VAX1: variants seen among roughly 807,000 people sequenced by gnomAD.
The protein encoded by VAX1 is ventral anterior homeobox 1.
Under a neutral mutation model 17.6 loss-of-function variants are expected in VAX1, and 6 were observed. The observed-to-expected ratio is 0.34, with a 90% CI of 0.19 to 0.67. The LOEUF (loss-of-function observed/expected upper bound fraction) is 0.67. VAX1 is among the 30% of genes least tolerant of loss of function. The pLI, the probability that VAX1 is intolerant of heterozygous loss-of-function variation, is 0.69. For synonymous variants in VAX1, 256 were observed against 227.4 expected (o/e 1.13, Z -1.13); for missense variants, 408 against 463.7 (o/e 0.88, Z 1.10).
chr10:117,134,631 C>A lies in VAX1; in HGVS notation c.430-48G>T. 3 of 1,454,602 alleles carry A rather than the reference C, an allele frequency of 2.1e-6. No individual in the cohort carries two copies. The highest frequency in any genetic ancestry group is 2.7e-6 in the Non-Finnish European group (3 of 1,102,594). The allele number at this position is 1,454,602 out of a possible 1,614,324, so 90.1% of individuals were successfully genotyped here. ...AGTTGGAGAGAGGGGCAGGGAAGAC[C>A]AGCGTCAAAGGAAGCGAGCTCCCGG... On this transcript the variant is annotated intron_variant, in intron 2 of 2. Transcript: ENST00000369206. The surrounding 1 kb of genome is among the most constrained non-coding windows in gnomAD (Gnocchi z 6.2).
At chr10:117,132,255 T>G (rs369011912), downstream of VAX1, 126 of 1,614,042 alleles carry the variant, frequency 7.8e-5, no homozygotes, top group Non-Finnish European at 1.0e-4. The surrounding 1 kb of genome is among the most constrained non-coding windows in gnomAD (Gnocchi z 4.9). Context: ...ACGCCGAGAC[T>G]CATCATTTGC....
chr10:117,132,386 A>C, downstream of VAX1: 1 of 1,611,410 alleles, frequency 6.2e-7, no homozygotes. The surrounding 1 kb of genome is among the most constrained non-coding windows in gnomAD (Gnocchi z 4.9). Context: ...CAAAACATCC[A>C]AATATCCAAA....
At position 117,138,191 on chromosome 10, in the gene VAX1, G is replaced by A. The variant is rs1854226203; in HGVS notation, c.-135C>T. The stretch of plus-strand genomic sequence containing the variant: ...CAACGCGGCCCGTACGCCCGGCCCG[G>A]CGACAGGCAAGGGGCAAGAATGAAT... On this transcript the variant is annotated 5_prime_UTR_variant, in exon 1 of 3. Transcript: ENST00000369206. 1 of 1,097,922 alleles carries A rather than the reference G, an allele frequency of 9.1e-7. No individual in the cohort carries two copies. The highest frequency in any genetic ancestry group is 2.6e-5 in the Admixed American group (1 of 38,046). The allele number at this position is 1,097,922 out of a possible 1,614,324, so 68.0% of individuals were successfully genotyped here. A position where few individuals can be genotyped will look rare whatever the true frequency, so the allele number is the denominator to read the frequency against.
At chr10:117,129,535 C>A (rs911014327), downstream of VAX1, 4 of 152,354 alleles carry the variant, frequency 2.6e-5, no homozygotes, top group Non-Finnish European at 5.9e-5. Context: ...AACAGCACAC[C>A]AATATGACAC....
At chr10:117,132,565 TCGCTTGCTTC>T (rs1854103392), downstream of VAX1, 2 of 1,453,846 alleles carry the variant, frequency 1.4e-6, no homozygotes, top group African/African-American at 2.9e-5. This position sits in a 1 kb window ranked among gnomAD's most constrained non-coding sequence, Gnocchi z 4.9. Context: ...AAAGTGTTTT[TCGCTTGCTTC>T]AGATGGATGA....
chr10:117,133,898 TG>T lies in VAX1; in HGVS notation c.*109del, dbSNP rs1345029262. 7.1e-7 allele frequency: 1 copy of T among 1,412,346 alleles called. No individual in the cohort carries two copies. Among genetic ancestry groups the T allele is most frequent in the Non-Finnish European group, 9.2e-7 (1 of 1,090,216 alleles). The allele number at this position is 1,412,346 out of a possible 1,614,324, so 87.5% of individuals were successfully genotyped here. On this transcript the variant is annotated 3_prime_UTR_variant, in exon 3 of 3. Coordinates refer to ENST00000369206, the MANE Select transcript of VAX1 (RefSeq NM_001112704.2). Reference sequence around the variant, plus strand: ...TGGGAAAGGAGAGCTGTCAGAGGCCTGGTGGGAGCCAGGAGCCCAGCGCAGG... The same window carrying T: ...TGGGAAAGGAGAGCTGTCAGAGGCCTGTGGGAGCCAGGAGCCCAGCGCAGG...
downstream of VAX1, chr10:117,132,059 A>G: frequency 1.4e-6 from 1 of 737,568 alleles, no homozygotes. The surrounding 1 kb of genome is among the most constrained non-coding windows in gnomAD (Gnocchi z 4.9). Flanking sequence ...TGAGGGGCCG[A>G]CCTCAGAGGG....
rs1854152966 is a variant in VAX1 at position 117,134,957 on chromosome 10, T to C, written c.430-374A>G. ...CTCACAGATGTGTGAATCAGTGCAG[T>C]CCCAAAGCCGGAATTTCCGGTGGAG... On this transcript the variant is annotated intron_variant, in intron 2 of 2. Transcript: ENST00000369206. This position sits in a 1 kb window ranked among gnomAD's most constrained non-coding sequence, Gnocchi z 6.2. Among the ~76,000 whole-genome samples, 1 of 152,086 alleles carries C rather than the reference T, an allele frequency of 6.6e-6. No individual in the cohort carries two copies. Among genetic ancestry groups the C allele is most frequent in the Admixed American group, 6.5e-5 (1 of 15,276 alleles).
chr10:117,132,235 C>T (rs138470070), downstream of VAX1: 14 of 1,614,062 alleles, frequency 8.7e-6, no homozygotes, highest in African/African-American at 1.5e-4. This position sits in a 1 kb window ranked among gnomAD's most constrained non-coding sequence, Gnocchi z 4.9. Context: ...CCTCTGCCCC[C>T]GGAGTCCCCA....
chr10:117,135,556 CT>C (rs950684264), intron 2 of VAX1, among the ~76,000 whole-genome samples: 2 of 152,204 alleles, frequency 1.3e-5, no homozygotes, highest in Admixed American at 6.5e-5. Flanking sequence ...AAGAACACCC[CT>C]ATCTGTTCTG....
Position 117,138,265 on chromosome 10 carries a change from G to C in VAX1, c.-209C>G. On this transcript the variant is annotated 5_prime_UTR_variant, in exon 1 of 3. Coordinates refer to ENST00000369206, the MANE Select transcript of VAX1 (RefSeq NM_001112704.2). ...GCCGCGCGCGGGTCAGCGGCGACGG[G>C]AGAGTGGCGCGCTCGCCGAGAGGCG... is the stretch of plus-strand genomic sequence containing the variant. The C allele has an allele frequency of 1.6e-6, 1 of 639,138 alleles. No homozygotes were observed. The highest frequency in any genetic ancestry group is 2.6e-6 in the Non-Finnish European group (1 of 379,784). 39.6% of individuals were successfully genotyped at this position (639,138 alleles called of 1,614,324 possible). A position where few individuals can be genotyped will look rare whatever the true frequency, so the allele number is the denominator to read the frequency against.
At position 117,133,981 on chromosome 10, in the gene VAX1, A is replaced by C. The variant is rs774048047; in HGVS notation, c.*27T>G. On this transcript the variant is annotated 3_prime_UTR_variant, in exon 3 of 3. Coordinates refer to ENST00000369206, the MANE Select transcript of VAX1 (RefSeq NM_001112704.2). ...AAATATCACCACAATAGATACTATA[A>C]ATATAAATACAGGGAAACACTTAAA... The C allele has an allele frequency of 1.5e-5, 22 of 1,493,918 alleles. No individual in the cohort carries two copies. In the African/African-American group the frequency reaches 3.1e-4, roughly 21 times the overall value. 92.5% of individuals were successfully genotyped at this position (1,493,918 alleles called of 1,614,324 possible). A position where few individuals can be genotyped will look rare whatever the true frequency, so the allele number is the denominator to read the frequency against.
In VAX1 at chr10:117,136,468, G is replaced by A. The variant is rs1274174467; in HGVS notation, c.429+4C>T. The A allele has an allele frequency of 1.9e-6, 3 of 1,612,742 alleles. No homozygotes were observed. In the South Asian group the frequency reaches 3.3e-5, roughly 18 times the overall value. On this transcript the variant is annotated splice_donor_region_variant and intron_variant, in intron 2 of 2. Coordinates refer to ENST00000369206, the MANE Select transcript of VAX1 (RefSeq NM_001112704.2). The surrounding 1 kb of genome is among the most constrained non-coding windows in gnomAD (Gnocchi z 5.0). ...GAACTGTGTGCGGCCTGGTCGCCGG[G>A]TACCTGGGTCTCGGAGAGGTTAAGC...
chr10:117,130,735 C>A (rs1334627616), downstream of VAX1: 4 of 152,142 alleles, frequency 2.6e-5, no homozygotes, highest in Non-Finnish European at 5.9e-5. Context: ...AATTGCAATT[C>A]TTTTTCTATG....
In VAX1 at chr10:117,137,745, G is replaced by C; in HGVS notation, c.241+71C>G. ...GCACTCCTTCCCACCGGCCTGTGTC[G>C]GCGGCAGCGCGCAGCTCCGGCCCCG... On this transcript the variant is annotated intron_variant, in intron 1 of 2. Transcript: ENST00000369206. This position sits in a 1 kb window ranked among gnomAD's most constrained non-coding sequence, Gnocchi z 7.4. The C allele has an allele frequency of 6.2e-7, 1 of 1,602,482 alleles. No homozygotes were observed. Among genetic ancestry groups the C allele is most frequent in the Non-Finnish European group, 8.5e-7 (1 of 1,179,286 alleles).
chr10:117,133,783 A>T lies in VAX1; in HGVS notation c.*225T>A. ...TCTTTGGATCGCTCCTGGATTCAGAAGGAAGTTGGGGGTTGGGGAGGAATC... is the reference window on the plus strand; with the variant it reads ...TCTTTGGATCGCTCCTGGATTCAGATGGAAGTTGGGGGTTGGGGAGGAATC... On this transcript the variant is annotated 3_prime_UTR_variant, in exon 3 of 3. Coordinates refer to ENST00000369206, the MANE Select transcript of VAX1 (RefSeq NM_001112704.2). 1 of 1,304,800 alleles carries T rather than the reference A, an allele frequency of 7.7e-7. No homozygotes were observed. The highest frequency in any genetic ancestry group is 9.7e-7 in the Non-Finnish European group (1 of 1,034,184). The allele number at this position is 1,304,800 out of a possible 1,614,324, so 80.8% of individuals were successfully genotyped here.
chr10:117,136,219 G>A lies in VAX1; in HGVS notation c.429+253C>T, dbSNP rs1854175454. Among the ~76,000 whole-genome samples, 1 of 152,254 alleles carries A rather than the reference G, an allele frequency of 6.6e-6. No homozygotes were observed. Among genetic ancestry groups the A allele is most frequent in the South Asian group, 2.1e-4 (1 of 4,834 alleles). On this transcript the variant is annotated intron_variant, in intron 2 of 2. Coordinates refer to ENST00000369206, the MANE Select transcript of VAX1 (RefSeq NM_001112704.2). This position sits in a 1 kb window ranked among gnomAD's most constrained non-coding sequence, Gnocchi z 5.0. Reference sequence around the variant, plus strand: ...AAAATTCCAAAAGGACAGGATTTGGGGCCTTCTGGGCCTAGGCCAAGGTGG... The same window carrying A: ...AAAATTCCAAAAGGACAGGATTTGGAGCCTTCTGGGCCTAGGCCAAGGTGG...
In VAX1 at chr10:117,137,877, A is replaced by G. The variant is rs1854212448; in HGVS notation, c.180T>C (p.Cys60=). The change falls in exon 1 of 3, where the codon TGT becomes TGC. Residue 60 remains cysteine (C), a synonymous_variant. Coordinates refer to ENST00000369206, the MANE Select transcript of VAX1 (RefSeq NM_001112704.2). The surrounding 1 kb of genome is among the most constrained non-coding windows in gnomAD (Gnocchi z 7.4). ...CTGCGGAATTGGATTTACTTTTGTTACAATCCTCAGCAGCGCCCGACGCTG... is the reference window on the plus strand; with the variant it reads ...CTGCGGAATTGGATTTACTTTTGTTGCAATCCTCAGCAGCGCCCGACGCTG... ...AFSASGAAED[C]NKSKSNSAAD... 1.9e-6 allele frequency: 3 copies of G among 1,613,758 alleles called. No homozygotes were observed. The highest frequency in any genetic ancestry group is 1.3e-5 in the African/African-American group (1 of 75,018).
Position 117,137,882 on chromosome 10 carries a change from C to A in VAX1, c.175G>T (p.Asp59Tyr). 1 of 1,613,802 alleles carries A rather than the reference C, an allele frequency of 6.2e-7. No homozygotes were observed. Among genetic ancestry groups the A allele is most frequent in the African/African-American group, 1.3e-5 (1 of 75,034 alleles). The change falls in exon 1 of 3, where the codon GAT (aspartate) becomes TAT (tyrosine). Residue 59 changes from aspartate (D) to tyrosine (Y), a missense_variant. By Grantham distance (160) the Asp-to-Tyr change is radical (BLOSUM62 -3). Around this residue, in one of 4 missense-constraint regions of VAX1, gnomAD observed 133 missense variants for 112.0 expected, o/e 1.19. Transcript: ENST00000369206. The surrounding 1 kb of genome is among the most constrained non-coding windows in gnomAD (Gnocchi z 7.4). ...GAATTGGATTTACTTTTGTTACAAT[C>A]CTCAGCAGCGCCCGACGCTGAGAAG... The part of the protein sequence containing the change: ...GAFSASGAAE[D>Y]CNKSKSNSAA...
Sources: allele counts gnomAD v4.1 joint callset (sites outside exome capture counted in the v4.1 genomes callset), GRCh38; gene constraint gnomAD v4.1.1; regional missense constraint gnomAD v4.1.1; non-coding constraint Gnocchi (gnomAD v3.1); transcripts MANE v1.5; gene names NCBI Gene and HGNC (gene_info 2026-07-23, HGNC 2026-07-21).